Variants in MAST4 observed in about 807,000 individuals in gnomAD.
MAST4 encodes microtubule associated serine/threonine kinase family member 4, also known as microtubule-associated serine/threonine-protein kinase 4.
MAST4 carries 89 observed loss-of-function variants against 162.7 expected under a neutral mutation model. The observed-to-expected ratio is 0.55, with a 90% CI of 0.46 to 0.65. MAST4 has a LOEUF of 0.65. Ranked by LOEUF, MAST4 falls within the 30% of genes least tolerant of loss-of-function variation. The pLI, the probability that MAST4 is intolerant of heterozygous loss-of-function variation, is 0.00. For missense variants in MAST4, 3,153 were observed against 3,374.0 expected (o/e 0.93, Z 1.62); for synonymous variants, 1,479 against 1,361.1 (o/e 1.09, Z -1.91).
intron 2 of MAST4, among the ~76,000 whole-genome samples, chr5:66,774,451 C>A (rs2548712): frequency 0.44 from 67,572 of 152,046 alleles, 15,384 homozygotes; most frequent in East Asian, 0.57. Flanking sequence ...ATAAACTGAT[C>A]ATGAAGCATG....
intron 3 of MAST4, chr5:66,828,710 G>A: frequency 7.3e-7 from 1 of 1,365,422 alleles, no homozygotes; most frequent in Middle Eastern, 2.3e-4. Context: ...TGGACCAGCT[G>A]ACTCCGGGCT....
At chr5:67,111,619 C>G (rs1256353181) in intron 11 of MAST4, among the ~76,000 whole-genome samples, 1 of 152,178 alleles carries the variant, frequency 6.6e-6, no homozygotes, top group Non-Finnish European at 1.5e-5. Flanking sequence ...TTTACTGCCT[C>G]TCCTGTTGTA....
At chr5:67,121,425 T>C (rs1767567233) in intron 14 of MAST4, among the ~76,000 whole-genome samples, 1 of 141,106 alleles carries the variant, frequency 7.1e-6, no homozygotes, top group Non-Finnish European at 1.5e-5. Flanking sequence ...GATTGAAATA[T>C]ATATGTATAT....
intron 1 of MAST4, among the ~76,000 whole-genome samples, chr5:66,737,470 G>C (rs917546603): frequency 6.6e-6 from 1 of 152,172 alleles, no homozygotes; most frequent in Non-Finnish European, 1.5e-5. Flanking sequence ...CTGCACTCAA[G>C]GGGAGGGTAC....
At chr5:66,826,514 A>G (rs1470622513) in intron 3 of MAST4, among the ~76,000 whole-genome samples, 1 of 152,098 alleles carries the variant, frequency 6.6e-6, no homozygotes, top group African/African-American at 2.4e-5. Flanking sequence ...GGTCACAGAA[A>G]AGATACTTCT....
intron 3 of MAST4, among the ~76,000 whole-genome samples, chr5:66,812,078 C>T (rs1756506201): frequency 6.6e-6 from 1 of 152,134 alleles, no homozygotes; most frequent in Non-Finnish European, 1.5e-5. Flanking sequence ...CCGCAAACAA[C>T]ATGATGCAAG....
intron 26 of MAST4, among the ~76,000 whole-genome samples, chr5:67,155,530 C>G (rs1772383692): frequency 6.6e-6 from 1 of 152,212 alleles, no homozygotes; most frequent in Non-Finnish European, 1.5e-5. Context: ...ATCTAAGAAA[C>G]TTTCTTTTCA....
chr5:66,970,813 C>T (rs978128100), intron 4 of MAST4, among the ~76,000 whole-genome samples: 2 of 152,224 alleles, frequency 1.3e-5, no homozygotes, highest in African/African-American at 4.8e-5. Flanking sequence ...GAGGCAGGTA[C>T]TGTCTTCATT....
intron 1 of MAST4, among the ~76,000 whole-genome samples, chr5:66,753,244 A>G (rs890782486): frequency 6.6e-6 from 1 of 152,210 alleles, no homozygotes; most frequent in South Asian, 2.1e-4. Flanking sequence ...TAAGAGAACT[A>G]GAAAAGCAAG....
At chr5:66,598,473 C>T (rs761479617) in intron 1 of MAST4, among the ~76,000 whole-genome samples, 6 of 152,176 alleles carry the variant, frequency 3.9e-5, no homozygotes, top group African/African-American at 9.7e-5. Flanking sequence ...ATCCTAGCGG[C>T]GGGATGTCAG....
chr5:67,063,864 C>A (rs978975435), intron 5 of MAST4, among the ~76,000 whole-genome samples: 6 of 152,068 alleles, frequency 3.9e-5, no homozygotes, highest in Non-Finnish European at 8.8e-5. Flanking sequence ...TAGGGTGAGA[C>A]AGAGTTGATC....
At chr5:66,743,323 T>C in intron 1 of MAST4, among the ~76,000 whole-genome samples, 1 of 152,242 alleles carries the variant, frequency 6.6e-6, no homozygotes, top group East Asian at 1.9e-4. Context: ...GGTTGGCAGG[T>C]TAGACCTGGC....
intron 5 of MAST4, among the ~76,000 whole-genome samples, chr5:67,088,451 A>G (rs1267613424): frequency 6.6e-6 from 1 of 152,226 alleles, no homozygotes; most frequent in African/African-American, 2.4e-5. Flanking sequence ...AACAAAATTT[A>G]TATGAATATT....
Position 67,167,008 on chromosome 5 carries a change from G to A in MAST4, c.7829G>A (p.Gly2610Glu), listed in dbSNP as rs752989681. ...GACTTTGTGGTACGGCAGAGGCGGG[G>A]GAAAGAGAGTTTGCGTAGCAGCCCT... is the stretch of plus-strand genomic sequence containing the variant. ...EKDFVVRQRR[G>E]KESLRSSPHK... Residue 2610 changes from glycine to glutamate, a missense_variant, in exon 29 of 29, where the codon GGG becomes GAG. Physicochemically the swap from Gly to Glu is moderately conservative, Grantham distance 98. Around this residue, in one of 7 missense-constraint regions of MAST4, gnomAD observed 1,644 missense variants for 1,495.0 expected, o/e 1.10. Coordinates refer to ENST00000403625, the MANE Select transcript of MAST4 (RefSeq NM_001164664.2). The A allele has an allele frequency of 6.2e-7, 1 of 1,606,652 alleles. No homozygotes were observed. The highest frequency in any genetic ancestry group is 8.5e-7 in the Non-Finnish European group (1 of 1,176,786).
intron 4 of MAST4, among the ~76,000 whole-genome samples, chr5:66,956,524 C>T (rs995742058): frequency 6.6e-6 from 1 of 152,130 alleles, no homozygotes; most frequent in Non-Finnish European, 1.5e-5. Context: ...GAATGATTTC[C>T]CCATCTGTGA....
chr5:67,082,700 G>A (rs1395496697), intron 5 of MAST4, among the ~76,000 whole-genome samples: 1 of 152,162 alleles, frequency 6.6e-6, no homozygotes, highest in Non-Finnish European at 1.5e-5. Context: ...GGGCATGTAA[G>A]AGAATGTCCT....
chr5:66,619,972 T>A (rs1736919515), intron 1 of MAST4, among the ~76,000 whole-genome samples: 1 of 150,546 alleles, frequency 6.6e-6, no homozygotes, highest in Non-Finnish European at 1.5e-5. Flanking sequence ...ATATGTGGAA[T>A]ATATGGGATA....
intron 4 of MAST4, among the ~76,000 whole-genome samples, chr5:66,956,959 A>G (rs1745387700): frequency 2.0e-5 from 3 of 152,282 alleles, no homozygotes; most frequent in Middle Eastern, 6.8e-3. Flanking sequence ...CATTCTGGAT[A>G]TTTTACATTG....
At chr5:67,112,793 A>G (rs1185261433) in intron 11 of MAST4, among the ~76,000 whole-genome samples, 1 of 152,088 alleles carries the variant, frequency 6.6e-6, no homozygotes, top group Non-Finnish European at 1.5e-5. Flanking sequence ...ATGTTTGATG[A>G]CATCATTGGC....
Sources: allele counts gnomAD v4.1 joint callset (sites outside exome capture counted in the v4.1 genomes callset), GRCh38; gene constraint gnomAD v4.1.1; regional missense constraint gnomAD v4.1.1; transcripts MANE v1.5; gene names NCBI Gene and HGNC (gene_info 2026-07-23, HGNC 2026-07-21).